Variants in THBS1 observed in about 807,000 individuals in gnomAD.
THBS1 encodes the protein thrombospondin-1.
In THBS1, 29 loss-of-function variants were observed where a neutral mutation model predicts 126.1. The ratio of observed to expected loss-of-function variants is 0.23; its 90% confidence interval spans 0.17 to 0.31. The LOEUF (loss-of-function observed/expected upper bound fraction) is 0.31. THBS1 is among the 10% of genes least tolerant of loss of function. The pLI is 1.00. For synonymous variants in THBS1, 496 were observed against 577.8 expected, an observed-to-expected ratio of 0.86 and a Z score of 2.03; for missense variants, 1,198 against 1,545.2, an observed-to-expected ratio of 0.78 and a Z score of 3.77.
rs1405235394 is a variant in THBS1, at chr15:39,584,142, C to A, written c.858C>A (p.Gly286=). The A allele has an allele frequency of 2.5e-6, 4 of 1,614,078 alleles. No homozygotes were observed. The highest frequency in any genetic ancestry group is 3.4e-6 in the Non-Finnish European group (4 of 1,180,048). Reference sequence around the variant, plus strand: ...CCAGCATGGTCCTGGAACTCAGGGGCCTGCGCACCATTGTGACCACGCTGC... The same window carrying A: ...CCAGCATGGTCCTGGAACTCAGGGGACTGCGCACCATTGTGACCACGCTGC... ...ELSSMVLELR[G]LRTIVTTLQD... Residue 286 remains glycine, a synonymous_variant, in exon 5 of 22, where the codon GGC becomes GGA. Coordinates refer to ENST00000260356, the MANE Select transcript of THBS1 (RefSeq NM_003246.4).
intron 6 of THBS1, 102 bp from the exon 7 acceptor site, chr15:39,585,368 C>A: frequency 1.0e-6 from 1 of 1,001,380 alleles, no homozygotes; most frequent in Non-Finnish European, 1.6e-6. Context: ...GCATTGACAG[C>A]CCTGACCATG....
chr15:39,584,338 G>C lies in THBS1; in HGVS notation c.942G>C (p.Arg314=). 6.2e-7 allele frequency: 1 copy of C among 1,614,218 alleles called. No homozygotes were observed. The highest frequency in any genetic ancestry group is 2.2e-5 in the East Asian group (1 of 44,884). The change falls in exon 6 of 22, where the codon CGG becomes CGC. Residue 314 remains arginine (R), a synonymous_variant. Coordinates refer to ENST00000260356, the MANE Select transcript of THBS1 (RefSeq NM_003246.4). The stretch of plus-strand genomic sequence containing the variant: ...AAGAGTTGGCCAATGAGCTGAGGCG[G>C]CCTCCCCTATGCTATCACAACGGAG... ...ENKELANELR[R]PPLCYHNGVQ...
At position 39,599,117 on chromosome 15, in the gene THBS1, G is replaced by C. The variant is rs1595518111; in HGVS notation, c.*3748G>C. 6.6e-6 allele frequency: 1 copy of C among 152,200 alleles called. No homozygotes were observed. The highest frequency in any genetic ancestry group is 3.4e-3 in the Middle Eastern group (1 of 294). The allele number at this position is 152,200 out of a possible 1,614,324, so 9.4% of individuals were successfully genotyped here. ...ATTCTGTATTTTTAGTAAAGACGGG[G>C]TTTCACCTTGTTCCGGACAAACACT... On this transcript the variant is annotated 3_prime_UTR_variant, in exon 22 of 22. Transcript: ENST00000260356.
chr15:39,588,036 C>CT lies in THBS1; in HGVS notation c.1295-3dup. On this transcript the variant is annotated splice_polypyrimidine_tract_variant and splice_region_variant and intron_variant, in intron 8 of 21. Coordinates refer to ENST00000260356, the MANE Select transcript of THBS1 (RefSeq NM_003246.4). ...ACCATTTGTGACCATCAACTCTGTACTTTAGTTAAACAGGATGGTGGCTGG... is the reference window on the plus strand; with the variant it reads ...ACCATTTGTGACCATCAACTCTGTACTTTTAGTTAAACAGGATGGTGGCTGG... 1 of 1,613,712 alleles carries CT rather than the reference C, an allele frequency of 6.2e-7. No individual in the cohort carries two copies. The highest frequency in any genetic ancestry group is 8.5e-7 in the Non-Finnish European group (1 of 1,179,782).
Position 39,588,716 on chromosome 15 carries a change from A to G in THBS1, c.1645+17A>G. 6.4e-7 allele frequency: 1 copy of G among 1,556,144 alleles called. No homozygotes were observed. The highest frequency in any genetic ancestry group is 8.7e-7 in the Non-Finnish European group (1 of 1,152,000). ...GTCCAATTGGTGAGCCACGCAGCCCAGGATGAAACGACCCAGGAGCTTTGC... is the reference window on the plus strand; with the variant it reads ...GTCCAATTGGTGAGCCACGCAGCCCGGGATGAAACGACCCAGGAGCTTTGC... On this transcript the variant is annotated intron_variant, in intron 10 of 21. Transcript: ENST00000260356.
At position 39,587,376 on chromosome 15, in the gene THBS1, C is replaced by G. The variant is rs1595508850; in HGVS notation, c.1150C>G (p.Pro384Ala). Residue 384 changes from proline to alanine, a missense_variant, in exon 8 of 22, where the codon CCA (proline) becomes GCA (alanine). Transcript: ENST00000260356. Reference protein sequence around the residue: ...PSDSADDGWSPWSEWTSCSTS... With the variant: ...PSDSADDGWSAWSEWTSCSTS... Reference sequence around the variant, plus strand: ...CGACTCTGCGGACGATGGCTGGTCTCCATGGTCCGAGTGGACCTCCTGTTC... The same window carrying G: ...CGACTCTGCGGACGATGGCTGGTCTGCATGGTCCGAGTGGACCTCCTGTTC... 1.2e-6 allele frequency: 2 copies of G among 1,613,724 alleles called. No homozygotes were observed. The highest frequency in any genetic ancestry group is 3.3e-4 in the Middle Eastern group (2 of 6,060).
In THBS1 at chr15:39,589,971, G is replaced by C; in HGVS notation, c.2093G>C (p.Trp698Ser). The C allele has an allele frequency of 6.2e-7, 1 of 1,613,698 alleles. No homozygotes were observed. Among genetic ancestry groups the C allele is most frequent in the Non-Finnish European group, 8.5e-7 (1 of 1,179,814 alleles). Residue 698 changes from tryptophan to serine, a missense_variant, in exon 13 of 22, where the codon TGG becomes TCG. This residue lies in a region of THBS1 where 663 missense variants were observed against 860.1 expected (regional missense o/e 0.77). Transcript: ENST00000260356. The surrounding 1 kb of genome is among the most constrained non-coding windows in gnomAD (Gnocchi z 4.7). ...ICGEDTDLDGWPNENLVCVAN... is the reference protein window; with the variant it reads ...ICGEDTDLDGSPNENLVCVAN... ...GGGGAGGACACAGACCTGGATGGCT[G>C]GCCCAATGAGAACCTGGTGTGCGTG...
rs535682509 is a variant in THBS1, at chr15:39,593,737, T to C, written c.3267+69T>C. 1 of 1,570,608 alleles carries C rather than the reference T, an allele frequency of 6.4e-7. No homozygotes were observed. The highest frequency in any genetic ancestry group is 2.2e-5 in the East Asian group (1 of 44,518). ...CTGACTAGCACTGGGGATGCTGTGC[T>C]TTGACCAAGACTCTGACCAGGGAGT... On this transcript the variant is annotated intron_variant, in intron 19 of 21. Coordinates refer to ENST00000260356, the MANE Select transcript of THBS1 (RefSeq NM_003246.4). The surrounding 1 kb of genome is among the most constrained non-coding windows in gnomAD (Gnocchi z 5.9).
chr15:39,584,455 G>GA lies in THBS1; in HGVS notation c.1026+34dup, dbSNP rs562758412. ...ACCTTCACCAGCCAGAATAAGAATC[G>GA]ACGGCTTTTGTTTGAACCTACATCT... On this transcript the variant is annotated intron_variant, in intron 6 of 21. Transcript: ENST00000260356. 8.7e-5 allele frequency: 141 copies of GA among 1,612,154 alleles called. No individual in the cohort carries two copies. In the African/African-American group the frequency reaches 1.7e-3, roughly 20 times the overall value.
In THBS1 at chr15:39,591,006, ATTTT is replaced by A. The variant is rs1890315504; in HGVS notation, c.2254-181_2254-178del. 7.5e-6 allele frequency: 5 copies of A among 666,950 alleles called. No homozygotes were observed. The Admixed American group carries it at 1.6e-4, about 22-fold the overall frequency. The allele number at this position is 666,950 out of a possible 1,614,324, so 41.3% of individuals were successfully genotyped here. On this transcript the variant is annotated intron_variant, in intron 14 of 21. Transcript: ENST00000260356. ...ACTAACTTCTAACCCACAGGGATCC[ATTTT>A]TTTAACTATGTCCTTTTAACTTTTG...
Position 39,587,174 on chromosome 15 carries a change from C to A in THBS1, c.1121-173C>A, listed in dbSNP as rs564444279. On this transcript the variant is annotated intron_variant, in intron 7 of 21. Coordinates refer to ENST00000260356, the MANE Select transcript of THBS1 (RefSeq NM_003246.4). ...AATATATGTGTATATCAAAACATCA[C>A]ATTATACACCTTAAATGTATATAAT... 7.4e-5 allele frequency: 40 copies of A among 540,418 alleles called. No individual in the cohort carries two copies. In the East Asian group the frequency reaches 1.0e-3, roughly 14 times the overall value. The allele number at this position is 540,418 out of a possible 1,614,324, so 33.5% of individuals were successfully genotyped here. A position where few individuals can be genotyped will look rare whatever the true frequency, so the allele number is the denominator to read the frequency against.
In THBS1 at chr15:39,589,084, G is replaced by A; in HGVS notation, c.1771G>A (p.Glu591Lys). 2 of 1,614,142 alleles carry A rather than the reference G, an allele frequency of 1.2e-6. No individual in the cohort carries two copies. The highest frequency in any genetic ancestry group is 1.7e-6 in the Non-Finnish European group (2 of 1,180,008). ...TGGCATCCAGTGCACAGATGTTGATGAGGTGAGGAACTGATGGGGCTCCGA... is the reference window on the plus strand; with the variant it reads ...TGGCATCCAGTGCACAGATGTTGATAAGGTGAGGAACTGATGGGGCTCCGA... ...GNGIQCTDVD[E>K]CKEVPDACFN... Residue 591 changes from glutamate (E) to lysine (K), a missense_variant and splice_region_variant, in exon 11 of 22, where the codon GAG becomes AAG. This residue lies in a region of THBS1 where 663 missense variants were observed against 860.1 expected (regional missense o/e 0.77). Transcript: ENST00000260356. The surrounding 1 kb of genome is among the most constrained non-coding windows in gnomAD (Gnocchi z 4.7).
intron 8 of THBS1, 67 bp downstream of exon 8, chr15:39,587,587 C>A: frequency 1.4e-6 from 2 of 1,466,372 alleles, no homozygotes; most frequent in Non-Finnish European, 1.8e-6. Context: ...CCAAGGGCAG[C>A]TCCACAGCAT....
intron 3 of THBS1, among the ~76,000 whole-genome samples, chr15:39,583,020 A>T (rs985116158): frequency 9.2e-5 from 14 of 152,238 alleles, no homozygotes; most frequent in African/African-American, 3.4e-4. Flanking sequence ...CTACTCAAGG[A>T]AACAAGAAAT....
At position 39,584,030 on chromosome 15, in the gene THBS1, G is replaced by C; in HGVS notation, c.746G>C (p.Gly249Ala). 1 of 1,614,186 alleles carries C rather than the reference G, an allele frequency of 6.2e-7. No individual in the cohort carries two copies. Among genetic ancestry groups the C allele is most frequent in the Non-Finnish European group, 8.5e-7 (1 of 1,180,044 alleles). ...ACCCTTGACAACAACGTGGTGAATG[G>C]TTCCAGCCCTGCCATCCGCACTAAC... is the stretch of plus-strand genomic sequence containing the variant. ...LLTLDNNVVN[G>A]SSPAIRTNYI... Residue 249 changes from glycine to alanine, a missense_variant, in exon 5 of 22, where the codon GGT (glycine) becomes GCT (alanine). Physicochemically the swap from Gly to Ala is moderately conservative, Grantham distance 60. Around this residue, in one of 4 missense-constraint regions of THBS1, gnomAD observed 663 missense variants for 860.1 expected, o/e 0.77. Transcript: ENST00000260356.
rs1219912143 is a variant in THBS1, at chr15:39,597,473, T to C, written c.*2104T>C. On this transcript the variant is annotated 3_prime_UTR_variant, in exon 22 of 22. Coordinates refer to ENST00000260356, the MANE Select transcript of THBS1 (RefSeq NM_003246.4). ...TATGGAAATTTATATTTATACTTAC[T>C]GTATCCATGCTTATTTGTTCTCTAC... The C allele has an allele frequency of 6.6e-6, 1 of 152,118 alleles. No homozygotes were observed. Among genetic ancestry groups the C allele is most frequent in the African/African-American group, 2.4e-5 (1 of 41,440 alleles). 9.4% of individuals were successfully genotyped at this position (152,118 alleles called of 1,614,324 possible).
rs1488164394 is a variant in THBS1, at chr15:39,593,419, G to A, written c.3018G>A (p.Val1006=). 6.2e-6 allele frequency: 10 copies of A among 1,614,026 alleles called. No individual in the cohort carries two copies. Among genetic ancestry groups the A allele is most frequent in the Non-Finnish European group, 6.8e-6 (8 of 1,180,044 alleles). The part of the protein sequence containing the change: ...LAVGYDEFNA[V]DFSGTFFINT... Reference sequence around the variant, plus strand: ...CAGGTTATGATGAGTTTAATGCTGTGGACTTCAGTGGCACCTTCTTCATCA... The same window carrying A: ...CAGGTTATGATGAGTTTAATGCTGTAGACTTCAGTGGCACCTTCTTCATCA... The change falls in exon 19 of 22, where the codon GTG becomes GTA. Residue 1006 remains valine (V), a synonymous_variant. Transcript: ENST00000260356. This position sits in a 1 kb window ranked among gnomAD's most constrained non-coding sequence, Gnocchi z 5.9.
In THBS1 at chr15:39,588,080, T is replaced by C. The variant is rs1890242731; in HGVS notation, c.1333T>C (p.Ser445Pro). The C allele has an allele frequency of 2.5e-6, 4 of 1,614,174 alleles. No individual in the cohort carries two copies. The highest frequency in any genetic ancestry group is 3.4e-6 in the Non-Finnish European group (4 of 1,180,002). ...DGGWSHWSPW[S>P]SCSVTCGDGV... is the part of the protein sequence containing the mutation. Reference sequence around the variant, plus strand: ...TGGCTGGAGCCACTGGTCCCCGTGGTCATCTTGTTCTGTGACATGTGGTGA... The same window carrying C: ...TGGCTGGAGCCACTGGTCCCCGTGGCCATCTTGTTCTGTGACATGTGGTGA... The change falls in exon 9 of 22, where the codon TCA (serine) becomes CCA (proline). Residue 445 changes from serine (S) to proline (P), a missense_variant. Ser to Pro is a moderately conservative substitution (Grantham distance 74). Coordinates refer to ENST00000260356, the MANE Select transcript of THBS1 (RefSeq NM_003246.4).
chr15:39,585,928 A>G (rs578173140), intron 7 of THBS1, among the ~76,000 whole-genome samples: 14 of 152,276 alleles, frequency 9.2e-5, no homozygotes, highest in African/African-American at 3.1e-4. Flanking sequence ...CTCACCAGAG[A>G]TATTGACAGG....
Sources: allele counts gnomAD v4.1 joint callset (sites outside exome capture counted in the v4.1 genomes callset), GRCh38; gene constraint gnomAD v4.1.1; regional missense constraint gnomAD v4.1.1; non-coding constraint Gnocchi (gnomAD v3.1); transcripts MANE v1.5; gene names NCBI Gene and HGNC (gene_info 2026-07-23, HGNC 2026-07-21).